The following KCNIP4 variants were observed in gnomAD, a reference collection of about 807,000 sequenced individuals.
KCNIP4 encodes the protein potassium voltage-gated channel interacting protein 4, also known as Kv channel-interacting protein 4.
In KCNIP4, 12 loss-of-function variants were observed where a neutral mutation model predicts 34.0. That is an observed-to-expected ratio of 0.35 (90% confidence interval 0.23 to 0.57). The LOEUF is 0.57. Ranked by LOEUF, KCNIP4 falls within the 20% of genes least tolerant of loss-of-function variation. The pLI is 0.83. For synonymous variants in KCNIP4, 124 were observed against 102.2 expected, an observed-to-expected ratio of 1.21 and a Z score of -1.29; for missense variants, 238 against 311.7, an observed-to-expected ratio of 0.76 and a Z score of 1.78.
At chr4:21,510,402 T>C (rs917574428) in intron 1 of KCNIP4, among the ~76,000 whole-genome samples, 1 of 152,104 alleles carries the variant, frequency 6.6e-6, no homozygotes, top group African/African-American at 2.4e-5. Context: ...GAAAAGTCAA[T>C]ACATAAAACA....
chr4:21,080,041 C>T (rs1056042015), intron 1 of KCNIP4, among the ~76,000 whole-genome samples: 12 of 151,826 alleles, frequency 7.9e-5, no homozygotes, highest in African/African-American at 2.7e-4. Context: ...TTTTAAGCCA[C>T]GAGGTTTGTG....
At chr4:21,698,680 A>G (rs1712589866) in intron 1 of KCNIP4, among the ~76,000 whole-genome samples, 1 of 152,210 alleles carries the variant, frequency 6.6e-6, no homozygotes, top group African/African-American at 2.4e-5. Context: ...CTGAATAAAT[A>G]TAAATATTAT....
intron 1 of KCNIP4, among the ~76,000 whole-genome samples, chr4:21,469,311 G>C (rs915739096): frequency 6.6e-6 from 1 of 152,032 alleles, no homozygotes; most frequent in African/African-American, 2.4e-5. Flanking sequence ...CTCCCAACAT[G>C]TTAGGATTAT....
chr4:21,413,648 T>C (rs1184393657), intron 1 of KCNIP4, among the ~76,000 whole-genome samples: 2 of 152,178 alleles, frequency 1.3e-5, no homozygotes, highest in Non-Finnish European at 2.9e-5. Context: ...GAACAGGAAC[T>C]AGATCCCATT....
At chr4:21,054,232 A>G (rs1743196781) in intron 1 of KCNIP4, among the ~76,000 whole-genome samples, 1 of 152,090 alleles carries the variant, frequency 6.6e-6, no homozygotes, top group African/African-American at 2.4e-5. Flanking sequence ...GACAATAAAC[A>G]AAGAGGCTGG....
chr4:21,278,896 T>C (rs1762604290), intron 1 of KCNIP4, among the ~76,000 whole-genome samples: 2 of 152,204 alleles, frequency 1.3e-5, no homozygotes, highest in African/African-American at 4.8e-5. Flanking sequence ...GTATGCTATC[T>C]AGAAGAGGTG....
intron 2 of KCNIP4, among the ~76,000 whole-genome samples, chr4:20,877,235 C>T (rs1724144708): frequency 6.6e-6 from 1 of 152,164 alleles, no homozygotes; most frequent in Non-Finnish European, 1.5e-5. Context: ...ATTGTTACAG[C>T]TATAGCTATG....
chr4:20,999,168 A>C lies in KCNIP4; in HGVS notation c.62-116459T>G, dbSNP rs142624820. On this transcript the variant is annotated intron_variant, in intron 1 of 8. Coordinates refer to ENST00000382152, the MANE Select transcript of KCNIP4 (RefSeq NM_025221.6). Reference sequence around the variant, plus strand: ...GCAGGGTCAGACAAAGATAGGAAAAATCTGTTACTTATAGAGCAAACAGTG... The same window carrying C: ...GCAGGGTCAGACAAAGATAGGAAAACTCTGTTACTTATAGAGCAAACAGTG... Among the ~76,000 whole-genome samples, 443 of 152,310 alleles carry C rather than the reference A, an allele frequency of 2.9e-3. 2 individuals carry two copies. The highest frequency in any genetic ancestry group is 5.1e-3 in the Non-Finnish European group (348 of 68,032).
intron 1 of KCNIP4, among the ~76,000 whole-genome samples, chr4:21,441,670 C>T (rs1236039227): frequency 6.6e-6 from 1 of 152,144 alleles, no homozygotes; most frequent in Admixed American, 6.5e-5. Flanking sequence ...TCTGTAGTAA[C>T]CACTCATCCT....
chr4:21,048,942 A>T lies in KCNIP4; in HGVS notation c.62-166233T>A, dbSNP rs1577596432. ...CCAGCTCTTTCAGTACCTTCTGTTT[A>T]TCTTTTTTTTTTTTTTTTTTTTTTT... On this transcript the variant is annotated intron_variant, in intron 1 of 8. Transcript: ENST00000382152. Among the ~76,000 whole-genome samples, 19 of 130,722 alleles carry T rather than the reference A, an allele frequency of 1.5e-4. 1 individual carries two copies. The South Asian group carries it at 3.1e-3, about 21-fold the overall frequency. 85.8% of individuals were successfully genotyped at this position (130,722 alleles called of 152,430 possible).
intron 1 of KCNIP4, among the ~76,000 whole-genome samples, chr4:21,595,010 G>A (rs146194561): frequency 0.011 from 1,715 of 152,118 alleles, 45 homozygotes; most frequent in African/African-American, 0.039. Flanking sequence ...TCTGGGATAC[G>A]TGTGCAGAAT....
chr4:20,969,196 T>G (rs1317014490), intron 1 of KCNIP4, among the ~76,000 whole-genome samples: 1 of 152,180 alleles, frequency 6.6e-6, no homozygotes, highest in Non-Finnish European at 1.5e-5. Flanking sequence ...GATGTGATAA[T>G]TGAGAAAACT....
rs546195349 is a variant in KCNIP4, at chr4:21,337,693, A to C, written c.62-454984T>G. On this transcript the variant is annotated intron_variant, in intron 1 of 8. Coordinates refer to ENST00000382152, the MANE Select transcript of KCNIP4 (RefSeq NM_025221.6). ...TCAACTGGCTATGCTAGAATGGCTGAGAATTTTGAAAAAGATAATTAATGT... is the reference window on the plus strand; with the variant it reads ...TCAACTGGCTATGCTAGAATGGCTGCGAATTTTGAAAAAGATAATTAATGT... Among the ~76,000 whole-genome samples the C allele has an allele frequency of 2.0e-5, 3 of 152,278 alleles. No individual in the cohort carries two copies. The East Asian group carries it at 5.8e-4, about 29-fold the overall frequency.
chr4:21,122,887 T>C (rs572846228), intron 1 of KCNIP4, among the ~76,000 whole-genome samples: 5 of 152,244 alleles, frequency 3.3e-5, no homozygotes, highest in Admixed American at 2.6e-4. Flanking sequence ...TCTCTGGACA[T>C]TTTTTCCCCT....
intron 1 of KCNIP4, among the ~76,000 whole-genome samples, chr4:21,641,582 A>G (rs926703828): frequency 6.6e-6 from 1 of 152,180 alleles, no homozygotes; most frequent in African/African-American, 2.4e-5. Flanking sequence ...GGGATGAGGT[A>G]TGTGGATAGA....
At chr4:21,669,631 T>C (rs1278680617) in intron 1 of KCNIP4, among the ~76,000 whole-genome samples, 1 of 133,474 alleles carries the variant, frequency 7.5e-6, no homozygotes, top group South Asian at 2.5e-4. Context: ...GAGTCAACTG[T>C]CTTTTTTAAA....
Position 21,685,589 on chromosome 4 carries a change from A to G in KCNIP4, c.61+262982T>C, listed in dbSNP as rs144314110. ...TCAGTACGTGGACCAATTAGCTGTT[A>G]TGACCTTAGTAAAATCACTTGAATA... On this transcript the variant is annotated intron_variant, in intron 1 of 8. Coordinates refer to ENST00000382152, the MANE Select transcript of KCNIP4 (RefSeq NM_025221.6). 2.9e-3 allele frequency among the ~76,000 whole-genome samples: 438 copies of G among 152,324 alleles called. 1 individual carries two copies. The highest frequency in any genetic ancestry group is 0.014 in the Middle Eastern group (4 of 294).
chr4:20,734,755 C>A lies in KCNIP4; in HGVS notation c.430-20G>T. On this transcript the variant is annotated intron_variant, in intron 5 of 8. Transcript: ENST00000382152. ...GAAATCCTGAAAAGAAATAAAAATTCAATTTTATATGACATTTTTAAAAAA... is the reference window on the plus strand; with the variant it reads ...GAAATCCTGAAAAGAAATAAAAATTAAATTTTATATGACATTTTTAAAAAA... 3.6e-6 allele frequency: 5 copies of A among 1,379,700 alleles called. No homozygotes were observed. Among genetic ancestry groups the A allele is most frequent in the Admixed American group, 4.4e-5 (2 of 45,504 alleles). 85.5% of individuals were successfully genotyped at this position (1,379,700 alleles called of 1,614,324 possible).
At chr4:21,108,241 T>G (rs1210690681) in intron 1 of KCNIP4, among the ~76,000 whole-genome samples, 1 of 148,186 alleles carries the variant, frequency 6.7e-6, no homozygotes, top group Non-Finnish European at 1.5e-5. Context: ...GGTACACCAA[T>G]CAGACGTAGA....
Sources: allele counts gnomAD v4.1 joint callset (sites outside exome capture counted in the v4.1 genomes callset), GRCh38; gene constraint gnomAD v4.1.1; transcripts MANE v1.5; gene names NCBI Gene and HGNC (gene_info 2026-07-23, HGNC 2026-07-21).